FANCC: variants seen among roughly 807,000 people sequenced by gnomAD.
FANCC encodes Fanconi anemia group C protein.
Under a neutral mutation model 71.3 loss-of-function variants are expected in FANCC, and 55 were observed. The observed-to-expected ratio is 0.77, with a 90% confidence interval of 0.62 to 0.97. The LOEUF (loss-of-function observed/expected upper bound fraction) is 0.97. Ranked by LOEUF, FANCC falls within the 50% of genes least tolerant of loss-of-function variation. The probability of loss-of-function intolerance (pLI) is 0.00; values close to 1 mark genes in which losing one functional copy is unlikely to be tolerated. For missense variants in FANCC, 678 were observed against 670.9 expected (o/e 1.01, Z -0.12); for synonymous variants, 275 against 244.9 (o/e 1.12, Z -1.15).
At chr9:95,210,111 A>G (rs4647459) in intron 4 of FANCC, among the ~76,000 whole-genome samples, 69,573 of 152,004 alleles carry the variant, frequency 0.46, 16,124 homozygotes, top group East Asian at 0.59. Flanking sequence ...ATGTCATTAT[A>G]TCTATATAAA....
intron 4 of FANCC, among the ~76,000 whole-genome samples, chr9:95,228,499 T>G (rs1045320104): frequency 2.0e-5 from 3 of 152,236 alleles, no homozygotes; most frequent in Non-Finnish European, 4.4e-5. Flanking sequence ...ATTTCTTTAC[T>G]GATTCAGCAA....
In FANCC at chr9:95,125,091, T is replaced by C; in HGVS notation, c.991A>G (p.Lys331Glu). Reference sequence around the variant, plus strand: ...ATATATGTGATATAACAAACCTGCTTGCTTGCTTTCTCCAGAGCTTCTACA... The same window carrying C: ...ATATATGTGATATAACAAACCTGCTCGCTTGCTTTCTCCAGAGCTTCTACA... ...CFVEALEKASKQLRFALKTYF... is the reference protein window; with the variant it reads ...CFVEALEKASEQLRFALKTYF... The change falls in exon 10 of 15, where the codon AAG becomes GAG. Residue 331 changes from lysine (K) to glutamate (E), a missense_variant. Physicochemically the swap from Lys to Glu is moderately conservative, Grantham distance 56. Transcript: ENST00000289081. 2 of 1,613,966 alleles carry C rather than the reference T, an allele frequency of 1.2e-6. No homozygotes were observed. Among genetic ancestry groups the C allele is most frequent in the Admixed American group, 1.7e-5 (1 of 60,028 alleles).
intron 14 of FANCC, among the ~76,000 whole-genome samples, chr9:95,102,114 A>T (rs2071107949): frequency 6.6e-6 from 1 of 152,230 alleles, no homozygotes; most frequent in African/African-American, 2.4e-5. Context: ...CCTTAGACTC[A>T]TAAAGGCCAC....
intron 4 of FANCC, among the ~76,000 whole-genome samples, chr9:95,212,980 T>TG (rs1179187716): frequency 6.6e-6 from 1 of 152,172 alleles, no homozygotes; most frequent in Non-Finnish European, 1.5e-5. Context: ...CATGGGCAAA[T>TG]GAAAGCTTCA....
chr9:95,111,018 C>G lies in FANCC; in HGVS notation c.1329+445G>C. 6.3e-6 allele frequency: 9 copies of G among 1,438,478 alleles called. 1 individual carries two copies. In the South Asian group the frequency reaches 1.3e-4, roughly 21 times the overall value. The allele number at this position is 1,438,478 out of a possible 1,614,324, so 89.1% of individuals were successfully genotyped here. On this transcript the variant is annotated intron_variant, in intron 13 of 14. Transcript: ENST00000289081. ...TAATGTGAGGATCTGTTGACTGATC[C>G]AAGAAAGGAGACAGTCAAGATGGAA...
At chr9:95,265,545 A>G (rs1350074308) in intron 1 of FANCC, among the ~76,000 whole-genome samples, 1 of 152,126 alleles carries the variant, frequency 6.6e-6, no homozygotes, top group Non-Finnish European at 1.5e-5. Context: ...CATGCATTCT[A>G]TTACAATCAT....
At chr9:95,271,304 C>A (rs967948014) in intron 1 of FANCC, among the ~76,000 whole-genome samples, 1 of 152,152 alleles carries the variant, frequency 6.6e-6, no homozygotes, top group African/African-American at 2.4e-5. Flanking sequence ...TTACCTTGTA[C>A]AACAACAACT....
At chr9:95,154,238 T>G (rs1830335258) in intron 6 of FANCC, among the ~76,000 whole-genome samples, 2 of 87,904 alleles carry the variant, frequency 2.3e-5, no homozygotes, top group Admixed American at 3.8e-4. Context: ...AGAGCAAGAC[T>G]CCGTCTCAAA....
At chr9:95,189,443 A>C (rs1440784578) in intron 4 of FANCC, among the ~76,000 whole-genome samples, 3 of 152,104 alleles carry the variant, frequency 2.0e-5, no homozygotes, top group Non-Finnish European at 4.4e-5. Flanking sequence ...AATTCACAGA[A>C]TTTCCACACA....
At chr9:95,103,867 A>C (rs2071242992) in intron 14 of FANCC, among the ~76,000 whole-genome samples, 1 of 152,230 alleles carries the variant, frequency 6.6e-6, no homozygotes, top group Non-Finnish European at 1.5e-5. Flanking sequence ...CCACTCGCTC[A>C]AGCCATCTCC....
chr9:95,209,488 T>C (rs986278626), intron 4 of FANCC, among the ~76,000 whole-genome samples: 9 of 152,192 alleles, frequency 5.9e-5, no homozygotes, highest in Non-Finnish European at 8.8e-5. Context: ...AATGGGTAGA[T>C]ATGGGAAATA....
At chr9:95,283,500 C>G (rs1326354102) in intron 1 of FANCC, among the ~76,000 whole-genome samples, 1 of 152,206 alleles carries the variant, frequency 6.6e-6, no homozygotes, top group Non-Finnish European at 1.5e-5. Flanking sequence ...TAACTTACTA[C>G]TCTGTGGCTG....
chr9:95,257,531 A>C (rs1831741759), intron 1 of FANCC, among the ~76,000 whole-genome samples: 1 of 152,252 alleles, frequency 6.6e-6, no homozygotes, highest in South Asian at 2.1e-4. Flanking sequence ...CAGCGAAAAC[A>C]GTATTTAGAG....
intron 11 of FANCC, 51 bp downstream of exon 11, chr9:95,117,263 AT>A: frequency 6.6e-7 from 1 of 1,525,296 alleles, no homozygotes; most frequent in African/African-American, 1.4e-5. Context: ...TAATTTGACA[AT>A]GCTCTTCCCA....
chr9:95,244,356 G>A (rs911180328), intron 3 of FANCC, among the ~76,000 whole-genome samples: 5 of 152,136 alleles, frequency 3.3e-5, no homozygotes, highest in South Asian at 2.1e-4. Context: ...ACAGTGAGCC[G>A]CGTTTTCCTA....
chr9:95,293,854 A>G lies in FANCC; in HGVS notation c.-79+23672T>C, dbSNP rs1038112121. 103 of 1,610,946 alleles carry G rather than the reference A, an allele frequency of 6.4e-5. 3 individuals carry two copies. Among genetic ancestry groups the G allele is most frequent in the Admixed American group, 5.7e-4 (34 of 59,982 alleles). On this transcript the variant is annotated intron_variant, in intron 1 of 14. Transcript: ENST00000289081. The stretch of plus-strand genomic sequence containing the variant: ...GGGATACAAAGTCCAACGGATGACC[A>G]TGTACAGATGGACCAAGCTGGAATG...
chr9:95,158,701 G>A (rs543298492), intron 6 of FANCC, among the ~76,000 whole-genome samples: 63 of 152,320 alleles, frequency 4.1e-4, no homozygotes, highest in Non-Finnish European at 6.8e-4. Flanking sequence ...TTCTAAAGAA[G>A]TAGTGTAGAG....
intron 4 of FANCC, among the ~76,000 whole-genome samples, chr9:95,220,915 A>T (rs1829215563): frequency 6.6e-6 from 1 of 152,178 alleles, no homozygotes; most frequent in South Asian, 2.1e-4. Flanking sequence ...TACAGGTTTG[A>T]ACTTACTAGA....
intron 7 of FANCC, among the ~76,000 whole-genome samples, chr9:95,147,578 T>C (rs551365167): frequency 4.6e-5 from 7 of 152,268 alleles, no homozygotes; most frequent in South Asian, 2.1e-4. Flanking sequence ...ACTCATGAGA[T>C]GGAGACATCT....
Sources: gnomAD v4.1 joint callset for allele counts (sites outside exome capture counted in the v4.1 genomes callset) on GRCh38, gnomAD v4.1.1 for gene constraint, MANE v1.5 for transcripts, NCBI Gene and HGNC (gene_info 2026-07-23, HGNC 2026-07-21) for gene names.